PDE4D: variants seen among roughly 807,000 people sequenced by gnomAD.
PDE4D encodes the protein phosphodiesterase 4D.
PDE4D carries 24 observed loss-of-function variants against 87.4 expected under a neutral mutation model. The observed-to-expected ratio is 0.27, with a 90% CI of 0.20 to 0.39. The LOEUF (loss-of-function observed/expected upper bound fraction) is 0.39. Ranked by LOEUF, PDE4D falls within the 10% of genes least tolerant of loss-of-function variation. The pLI, the probability that PDE4D is intolerant of heterozygous loss-of-function variation, is 1.00. For synonymous variants in PDE4D, 384 were observed against 383.2 expected (o/e 1.00, Z -0.02); for missense variants, 714 against 1,041.0 (o/e 0.69, Z 4.32).
chr5:60,515,957 A>G (rs1490509054), intron 1 of PDE4D, among the ~76,000 whole-genome samples: 1 of 152,228 alleles, frequency 6.6e-6, no homozygotes, highest in African/African-American at 2.4e-5. Flanking sequence ...TCTATCTCTT[A>G]TTGATTACAG....
intron 5 of PDE4D, among the ~76,000 whole-genome samples, chr5:59,075,011 T>G (rs12654005): frequency 0.32 from 47,755 of 150,856 alleles, 8,489 homozygotes; most frequent in East Asian, 0.7. Flanking sequence ...ATAATGGAGT[T>G]TCAATTCTAA....
chr5:59,527,401 T>C (rs1813360224), intron 1 of PDE4D, among the ~76,000 whole-genome samples: 2 of 152,184 alleles, frequency 1.3e-5, no homozygotes, highest in Non-Finnish European at 2.9e-5. Flanking sequence ...AATATCACTA[T>C]AGAACAGTAT....
At position 59,338,594 on chromosome 5, in the gene PDE4D, TA is replaced by T. The variant is rs377142793; in HGVS notation, c.456-122627del. Among the ~76,000 whole-genome samples, 30 of 152,336 alleles carry T rather than the reference TA, an allele frequency of 2.0e-4. 1 individual carries two copies. Among genetic ancestry groups the T allele is most frequent in the African/African-American group, 6.7e-4 (28 of 41,586 alleles). ...GTCATTACCATTAAGTCCATGTCCC[TA>T]AATTGTTTCTTTCTGTGAGGAAGGC... On this transcript the variant is annotated intron_variant, in intron 1 of 14. Transcript: ENST00000340635.
chr5:60,293,238 A>C (rs1297178282), intron 1 of PDE4D, among the ~76,000 whole-genome samples: 2 of 152,058 alleles, frequency 1.3e-5, no homozygotes, highest in Non-Finnish European at 2.9e-5. Context: ...AATACTTAAA[A>C]AGATGTAACG....
At chr5:59,506,732 A>G (rs1335789219) in intron 1 of PDE4D, among the ~76,000 whole-genome samples, 1 of 152,240 alleles carries the variant, frequency 6.6e-6, no homozygotes, top group Non-Finnish European at 1.5e-5. Context: ...AATTAAAATT[A>G]CAATGAAATA....
rs114912046 is a variant in PDE4D, at chr5:59,464,810, A to G, written c.456-248842T>C. On this transcript the variant is annotated intron_variant, in intron 1 of 14. Coordinates refer to ENST00000340635, the MANE Select transcript of PDE4D (RefSeq NM_001104631.2). ...AATAATGTGATAAAAACACACCTAT[A>G]AGGTGAAAAACATCTACGTATTTGC... is the stretch of plus-strand genomic sequence containing the variant. 5.1e-3 allele frequency among the ~76,000 whole-genome samples: 784 copies of G among 152,334 alleles called. 10 individuals carry two copies. The highest frequency in any genetic ancestry group is 0.017 in the African/African-American group (701 of 41,580).
At chr5:59,391,977 T>C (rs1441494877) in intron 1 of PDE4D, among the ~76,000 whole-genome samples, 1 of 148,962 alleles carries the variant, frequency 6.7e-6, no homozygotes, top group African/African-American at 2.4e-5. Context: ...ATATATAATA[T>C]ATAAATTATT....
chr5:59,285,955 C>T (rs1448730937), intron 1 of PDE4D, among the ~76,000 whole-genome samples: 1 of 152,196 alleles, frequency 6.6e-6, no homozygotes, highest in African/African-American at 2.4e-5. Flanking sequence ...TGCAACCCCT[C>T]ACTCTCGATT....
intron 1 of PDE4D, among the ~76,000 whole-genome samples, chr5:59,570,809 C>T (rs566662713): frequency 7.4e-4 from 113 of 152,072 alleles, no homozygotes; most frequent in African/African-American, 2.6e-3. Context: ...CAATGAATAG[C>T]TATAAAATTT....
intron 1 of PDE4D, among the ~76,000 whole-genome samples, chr5:59,766,578 T>C (rs1762822581): frequency 6.6e-6 from 1 of 152,168 alleles, no homozygotes; most frequent in Non-Finnish European, 1.5e-5. Flanking sequence ...GGGCCACTCA[T>C]TCAGCAATGG....
intron 2 of PDE4D, among the ~76,000 whole-genome samples, chr5:60,118,161 C>T (rs923953940): frequency 6.6e-6 from 1 of 152,104 alleles, no homozygotes; most frequent in Non-Finnish European, 1.5e-5. Context: ...GTGAGCATTA[C>T]CCAAACAAGT....
chr5:59,505,583 G>C (rs1166242244), intron 1 of PDE4D, among the ~76,000 whole-genome samples: 1 of 152,174 alleles, frequency 6.6e-6, no homozygotes, highest in African/African-American at 2.4e-5. Flanking sequence ...AATCTACTAT[G>C]TGCCAAGCAC....
intron 1 of PDE4D, among the ~76,000 whole-genome samples, chr5:59,368,482 C>T (rs1783439312): frequency 6.6e-6 from 1 of 152,018 alleles, no homozygotes; most frequent in South Asian, 2.1e-4. Context: ...AAAAATATTG[C>T]CATTTGAGTA....
intron 1 of PDE4D, among the ~76,000 whole-genome samples, chr5:59,431,149 G>A (rs2153631759): frequency 1.3e-5 from 2 of 152,110 alleles, no homozygotes; most frequent in East Asian, 3.9e-4. Context: ...CCTTCTACCT[G>A]CACTTTGAAC....
At chr5:60,430,738 A>C (rs931945947) in intron 1 of PDE4D, 1 of 290,366 alleles carries the variant, frequency 3.4e-6, no homozygotes, top group Non-Finnish European at 6.4e-6. Context: ...GGGAGTGGTG[A>C]TGACTCTTAA....
intron 1 of PDE4D, among the ~76,000 whole-genome samples, chr5:60,374,931 C>T (rs1309085421): frequency 6.6e-6 from 1 of 151,912 alleles, no homozygotes; most frequent in African/African-American, 2.4e-5. Flanking sequence ...TTTTACAGTG[C>T]AACAAATAAA....
chr5:59,256,610 G>A (rs1422825817), intron 1 of PDE4D, among the ~76,000 whole-genome samples: 4 of 152,152 alleles, frequency 2.6e-5, no homozygotes, highest in South Asian at 2.1e-4. Context: ...ATTGCATCAC[G>A]TTTTGATGAT....
chr5:60,159,684 T>G (rs1782305298), intron 2 of PDE4D, among the ~76,000 whole-genome samples: 1 of 152,202 alleles, frequency 6.6e-6, no homozygotes, highest in Non-Finnish European at 1.5e-5. Context: ...GGTGAATGAC[T>G]GTACTAAATA....
chr5:59,339,005 G>A (rs938549077), intron 1 of PDE4D, among the ~76,000 whole-genome samples: 2 of 152,102 alleles, frequency 1.3e-5, no homozygotes, highest in African/African-American at 4.8e-5. Flanking sequence ...AACCATTTAG[G>A]TCTCTGATGG....
Sources: gnomAD v4.1 joint callset for allele counts (sites outside exome capture counted in the v4.1 genomes callset) on GRCh38, gnomAD v4.1.1 for gene constraint, MANE v1.5 for transcripts, NCBI Gene and HGNC (gene_info 2026-07-23, HGNC 2026-07-21) for gene names.